RPS6KC1: variants seen among roughly 807,000 people sequenced by gnomAD.
The protein encoded by RPS6KC1 is inactive ribosomal protein S6 kinase delta-1.
In RPS6KC1, 54 loss-of-function variants were observed where a neutral mutation model predicts 103.8. That is an observed-to-expected ratio of 0.52 (90% CI 0.42 to 0.65). RPS6KC1 has a LOEUF of 0.65. RPS6KC1 is among the 30% of genes least tolerant of loss of function. The pLI, the probability that RPS6KC1 is intolerant of heterozygous loss-of-function variation, is 0.00. For missense variants in RPS6KC1, 1,151 were observed against 1,253.8 expected (o/e 0.92, Z 1.24); for synonymous variants, 439 against 438.7 (o/e 1.00, Z -0.01).
At chr1:213,587,833 C>T in the RPS6KC1 span, among the ~76,000 whole-genome samples, 1 of 152,224 alleles carries the variant, frequency 6.6e-6, no homozygotes, top group Non-Finnish European at 1.5e-5. Flanking sequence ...TATCTCCCCA[C>T]CCTCAACTCA....
At chr1:213,748,802 G>A in the RPS6KC1 span, among the ~76,000 whole-genome samples, 1 of 152,158 alleles carries the variant, frequency 6.6e-6, no homozygotes, top group South Asian at 2.1e-4. Flanking sequence ...AACTGATGTT[G>A]AACACCAGCT....
chr1:213,339,539 G>T, the RPS6KC1 span, among the ~76,000 whole-genome samples: 1 of 152,214 alleles, frequency 6.6e-6, no homozygotes, highest in Non-Finnish European at 1.5e-5. Context: ...CGATCATTCG[G>T]TGAGACCATT....
At chr1:213,151,327 C>A (rs1349006381) in intron 6 of RPS6KC1, among the ~76,000 whole-genome samples, 1 of 119,920 alleles carries the variant, frequency 8.3e-6, no homozygotes, top group Non-Finnish European at 1.8e-5. Flanking sequence ...CCGGACGGGG[C>A]GGCTGGCCGG....
At chr1:213,767,172 C>T in the RPS6KC1 span, among the ~76,000 whole-genome samples, 24 of 152,172 alleles carry the variant, frequency 1.6e-4, no homozygotes, top group African/African-American at 5.8e-4. Context: ...CTTCCCAAAA[C>T]ATTACTTTCT....
At chr1:213,735,891 T>A in the RPS6KC1 span, among the ~76,000 whole-genome samples, 3 of 152,224 alleles carry the variant, frequency 2.0e-5, no homozygotes, top group Non-Finnish European at 2.9e-5. Context: ...AATCTTAGTC[T>A]GTGAACAAGG....
Position 213,051,338 on chromosome 1 carries a change from C to A in RPS6KC1, c.-67C>A. On this transcript the variant is annotated 5_prime_UTR_variant, in exon 1 of 15. Transcript: ENST00000366960. ...TCGCCGCTGCGTTGGGGAACCTGGA[C>A]CGCGGCGGCGCCGGGTTTCCCTCAT... The A allele has an allele frequency of 7.8e-7, 1 of 1,283,048 alleles. No homozygotes were observed. Among genetic ancestry groups the A allele is most frequent in the Non-Finnish European group, 1.1e-6 (1 of 890,970 alleles). 79.5% of individuals were successfully genotyped at this position (1,283,048 alleles called of 1,614,324 possible). A position where few individuals can be genotyped will look rare whatever the true frequency, so the allele number is the denominator to read the frequency against.
the RPS6KC1 span, among the ~76,000 whole-genome samples, chr1:213,302,533 C>T: frequency 2.0e-5 from 3 of 152,202 alleles, no homozygotes; most frequent in African/African-American, 4.8e-5. Flanking sequence ...TAGTCCAAAG[C>T]GCCATTTGTA....
chr1:213,714,373 A>T, the RPS6KC1 span, among the ~76,000 whole-genome samples: 1 of 152,274 alleles, frequency 6.6e-6, no homozygotes, highest in Non-Finnish European at 1.5e-5. Flanking sequence ...TGCTCATTCA[A>T]ATAGTCATTT....
rs147401599 is a variant in RPS6KC1, at chr1:213,162,903, A to G, written c.836-4955A>G. Among the ~76,000 whole-genome samples, 755 of 152,322 alleles carry G rather than the reference A, an allele frequency of 5.0e-3. 9 individuals are homozygous for G. The highest frequency in any genetic ancestry group is 0.017 in the African/African-American group (712 of 41,576). ...TGAAATTGGTTTTGAAAAAACATTA[A>G]TAGGGGGTTGACTAAATGCAAATGG... is the stretch of plus-strand genomic sequence containing the variant. On this transcript the variant is annotated intron_variant, in intron 6 of 14. Coordinates refer to ENST00000366960, the MANE Select transcript of RPS6KC1 (RefSeq NM_012424.6).
At chr1:213,424,931 C>T in the RPS6KC1 span, among the ~76,000 whole-genome samples, 1 of 152,190 alleles carries the variant, frequency 6.6e-6, no homozygotes, top group Non-Finnish European at 1.5e-5. Context: ...TTGCCTCTGT[C>T]CCAGGGCACT....
chr1:213,353,984 A>G, the RPS6KC1 span, among the ~76,000 whole-genome samples: 1 of 152,200 alleles, frequency 6.6e-6, no homozygotes, highest in Non-Finnish European at 1.5e-5. Context: ...AGAGTCCCTC[A>G]CAGTCAGAAC....
chr1:213,475,142 C>T, the RPS6KC1 span, among the ~76,000 whole-genome samples: 1 of 152,188 alleles, frequency 6.6e-6, no homozygotes, highest in East Asian at 1.9e-4. Flanking sequence ...TTTGGGGAAG[C>T]ACGGGGCCGT....
At chr1:213,384,392 G>A in the RPS6KC1 span, among the ~76,000 whole-genome samples, 1 of 152,142 alleles carries the variant, frequency 6.6e-6, no homozygotes, top group Non-Finnish European at 1.5e-5. Context: ...TCAAGGGGAT[G>A]TGGCCAGGAG....
the RPS6KC1 span, among the ~76,000 whole-genome samples, chr1:213,342,724 T>C: frequency 1.5e-4 from 23 of 152,268 alleles, no homozygotes; most frequent in African/African-American, 5.1e-4. Flanking sequence ...CCATTATTCA[T>C]AAGTGAATAA....
At chr1:213,678,017 A>G in the RPS6KC1 span, among the ~76,000 whole-genome samples, 1 of 152,122 alleles carries the variant, frequency 6.6e-6, no homozygotes, top group African/African-American at 2.4e-5. Context: ...AAAAAAAAAA[A>G]AAGATATTTT....
the RPS6KC1 span, among the ~76,000 whole-genome samples, chr1:213,691,273 T>C: frequency 6.6e-6 from 1 of 152,232 alleles, no homozygotes; most frequent in Admixed American, 6.5e-5. Flanking sequence ...GATTCTCTTT[T>C]TAATGTAAAC....
At chr1:213,459,436 A>G in the RPS6KC1 span, among the ~76,000 whole-genome samples, 1 of 152,000 alleles carries the variant, frequency 6.6e-6, no homozygotes, top group Non-Finnish European at 1.5e-5. Context: ...GGGATCAGCG[A>G]TGATAACCCT....
At chr1:213,783,723 T>C in the RPS6KC1 span, among the ~76,000 whole-genome samples, 1 of 143,872 alleles carries the variant, frequency 7.0e-6, no homozygotes, top group African/African-American at 2.6e-5. Context: ...TCTAAAAGAC[T>C]CCACTTAATA....
At chr1:213,420,355 T>C in the RPS6KC1 span, among the ~76,000 whole-genome samples, 1 of 152,102 alleles carries the variant, frequency 6.6e-6, no homozygotes, top group East Asian at 1.9e-4. Context: ...CAGCCATGCA[T>C]TGTGGGGTAT....
Sources: gnomAD v4.1 joint callset for allele counts (sites outside exome capture counted in the v4.1 genomes callset) on GRCh38, gnomAD v4.1.1 for gene constraint, MANE v1.5 for transcripts, NCBI Gene and HGNC (gene_info 2026-07-23, HGNC 2026-07-21) for gene names.